The following ROBO1 variants were observed in gnomAD, a reference collection of about 807,000 sequenced individuals.
ROBO1 encodes roundabout homolog 1.
In ROBO1, 149 loss-of-function variants were observed where a neutral mutation model predicts 195.9. That is an observed-to-expected ratio of 0.76 (90% CI 0.67 to 0.87). The LOEUF (loss-of-function observed/expected upper bound fraction) is 0.87. ROBO1 is among the 40% of genes least tolerant of loss of function. The pLI, the probability that ROBO1 is intolerant of heterozygous loss-of-function variation, is 0.00. For synonymous variants in ROBO1, 816 were observed against 733.2 expected, an observed-to-expected ratio of 1.11 and a Z score of -1.82; for missense variants, 1,933 against 2,068.3, an observed-to-expected ratio of 0.93 and a Z score of 1.27.
In ROBO1 at chr3:78,668,090, G is replaced by A. The variant is rs192567274; in HGVS notation, c.1800-41C>T. The stretch of plus-strand genomic sequence containing the variant: ...CAGGTTAGAACATGCGTATTTAATG[G>A]AGAATCAAAAAAGAACAACTAGGAA... On this transcript the variant is annotated intron_variant, in intron 13 of 30. Coordinates refer to ENST00000464233, the MANE Select transcript of ROBO1 (RefSeq NM_002941.4). The A allele has an allele frequency of 2.9e-5, 46 of 1,610,382 alleles. No individual in the cohort carries two copies. The East Asian group carries it at 9.4e-4, about 33-fold the overall frequency.
intron 1 of ROBO1, among the ~76,000 whole-genome samples, chr3:79,663,942 A>G (rs1013953104): frequency 3.3e-5 from 5 of 152,024 alleles, no homozygotes; most frequent in African/African-American, 1.2e-4. Context: ...CAGCTGCCAC[A>G]TCCATATATT....
chr3:79,056,526 C>T (rs369150695), intron 3 of ROBO1, among the ~76,000 whole-genome samples: 4 of 152,066 alleles, frequency 2.6e-5, no homozygotes, highest in African/African-American at 4.8e-5. Flanking sequence ...AGTTCACATT[C>T]GGAGAGATTC....
chr3:78,839,549 A>G (rs1378963354), intron 4 of ROBO1, among the ~76,000 whole-genome samples: 15 of 152,106 alleles, frequency 9.9e-5, no homozygotes, highest in Admixed American at 9.8e-4. Context: ...TAAAAAAGAC[A>G]AATAGTAATA....
At chr3:79,063,707 T>G (rs558106559) in intron 3 of ROBO1, among the ~76,000 whole-genome samples, 86 of 151,838 alleles carry the variant, frequency 5.7e-4, no homozygotes, top group African/African-American at 2.0e-3. Flanking sequence ...CTCCAGAGAG[T>G]TGATTGTAAA....
At chr3:79,111,702 C>G (rs1162007065) in intron 3 of ROBO1, among the ~76,000 whole-genome samples, 1 of 151,928 alleles carries the variant, frequency 6.6e-6, no homozygotes, top group African/African-American at 2.4e-5. Context: ...TTGTGCTAGA[C>G]CAGAAAAGAA....
intron 3 of ROBO1, among the ~76,000 whole-genome samples, chr3:78,971,223 C>T (rs995419832): frequency 1.3e-5 from 2 of 151,968 alleles, no homozygotes; most frequent in Non-Finnish European, 2.9e-5. Context: ...GAAACCTTCT[C>T]TAAAAAAATA....
intron 1 of ROBO1, among the ~76,000 whole-genome samples, chr3:79,606,887 G>C (rs1944502897): frequency 3.3e-5 from 5 of 151,752 alleles, no homozygotes; most frequent in Admixed American, 3.3e-4. Flanking sequence ...GTAAGTTATT[G>C]CTTTACTAAC....
Position 79,582,855 on chromosome 3 carries a change from A to G in ROBO1, c.88+6969T>C, listed in dbSNP as rs1943702434. Among the ~76,000 whole-genome samples the G allele has an allele frequency of 2.6e-5, 4 of 152,026 alleles. No homozygotes were observed. In the South Asian group the frequency reaches 8.3e-4, roughly 32 times the overall value. ...ACACTTAGCACTGCACCTTGGCATG[A>G]GCCTGGGATTCTCTTTCCTACTCAC... is the stretch of plus-strand genomic sequence containing the variant. On this transcript the variant is annotated intron_variant, in intron 2 of 30. Transcript: ENST00000464233.
At chr3:79,344,954 C>G (rs928739940) in intron 2 of ROBO1, among the ~76,000 whole-genome samples, 2 of 152,128 alleles carry the variant, frequency 1.3e-5, no homozygotes, top group African/African-American at 4.8e-5. Flanking sequence ...AAGAAGGTGA[C>G]TGCTTCCCCT....
At chr3:79,305,487 C>CAAAAAAAA (rs755731665) in intron 2 of ROBO1, among the ~76,000 whole-genome samples, 3 of 55,672 alleles carry the variant, frequency 5.4e-5, no homozygotes, top group Non-Finnish European at 7.2e-5. Context: ...AACTCCATCT[C>CAAAAAAAA]AAAAAAAAAA....
chr3:78,724,799 A>G (rs1166563792), intron 5 of ROBO1, among the ~76,000 whole-genome samples: 2 of 152,176 alleles, frequency 1.3e-5, no homozygotes, highest in Non-Finnish European at 2.9e-5. Flanking sequence ...GTAAGCCAAA[A>G]ATGAACATTT....
chr3:79,496,132 G>C lies in ROBO1; in HGVS notation c.88+93692C>G, dbSNP rs929289692. ...GGAGGATGAGGAGTGAGAATATCTT[G>C]AACCTGGGAGTTGGAGGTTGCAGTG... On this transcript the variant is annotated intron_variant, in intron 2 of 30. Coordinates refer to ENST00000464233, the MANE Select transcript of ROBO1 (RefSeq NM_002941.4). Among the ~76,000 whole-genome samples, 4 of 139,142 alleles carry C rather than the reference G, an allele frequency of 2.9e-5. No homozygotes were observed. The Admixed American group carries it at 3.1e-4, about 11-fold the overall frequency. 91.3% of individuals were successfully genotyped at this position (139,142 alleles called of 152,430 possible). A position where few individuals can be genotyped will look rare whatever the true frequency, so the allele number is the denominator to read the frequency against.
At chr3:78,784,452 C>T (rs1332349082) in intron 4 of ROBO1, among the ~76,000 whole-genome samples, 2 of 152,164 alleles carry the variant, frequency 1.3e-5, no homozygotes, top group East Asian at 3.9e-4. Flanking sequence ...ACTTCTGTTT[C>T]GGGATGTTTA....
intron 1 of ROBO1, among the ~76,000 whole-genome samples, chr3:79,733,635 T>C (rs1047580427): frequency 6.6e-6 from 1 of 152,192 alleles, no homozygotes; most frequent in African/African-American, 2.4e-5. Context: ...CACCATCCTC[T>C]TCACTTCAGG....
Position 79,633,178 on chromosome 3 carries a change from TG to T in ROBO1, c.-50-43218del, listed in dbSNP as rs61356493. 5.5e-3 allele frequency among the ~76,000 whole-genome samples: 444 copies of T among 80,442 alleles called. 1 individual carries two copies. The highest frequency in any genetic ancestry group is 0.022 in the African/African-American group (413 of 19,158). 52.8% of individuals were successfully genotyped at this position (80,442 alleles called of 152,430 possible). Reference sequence around the variant, plus strand: ...TTGATTTTTACATATGTATATTTGCTGGGTTTTTTTTTTTTTTTGAAAGGGT... The same window carrying T: ...TTGATTTTTACATATGTATATTTGCTGGTTTTTTTTTTTTTTTGAAAGGGT... On this transcript the variant is annotated intron_variant, in intron 1 of 30. Transcript: ENST00000464233.
chr3:78,832,461 C>T (rs1193743226), intron 4 of ROBO1, among the ~76,000 whole-genome samples: 4 of 152,172 alleles, frequency 2.6e-5, no homozygotes, highest in South Asian at 4.2e-4. Flanking sequence ...AGAGGGGTAA[C>T]GTCATGAGCT....
intron 2 of ROBO1, among the ~76,000 whole-genome samples, chr3:79,575,187 T>A (rs1372111719): frequency 8.8e-6 from 1 of 113,208 alleles, no homozygotes. Context: ...ATATATAACA[T>A]ATATATAAAT....
chr3:79,672,084 A>G (rs1456046538), intron 1 of ROBO1, among the ~76,000 whole-genome samples: 1 of 151,994 alleles, frequency 6.6e-6, no homozygotes, highest in African/African-American at 2.4e-5. Flanking sequence ...AGACATTTGC[A>G]TGAAAGTCAC....
chr3:79,341,293 T>C (rs774733055), intron 2 of ROBO1, among the ~76,000 whole-genome samples: 13 of 151,812 alleles, frequency 8.6e-5, no homozygotes, highest in Non-Finnish European at 1.8e-4. Flanking sequence ...TGAGATATGA[T>C]TATAAAATGA....
Sources: gnomAD v4.1 joint callset for allele counts (sites outside exome capture counted in the v4.1 genomes callset) on GRCh38, gnomAD v4.1.1 for gene constraint, MANE v1.5 for transcripts, NCBI Gene and HGNC (gene_info 2026-07-23, HGNC 2026-07-21) for gene names.